Variants in WDR72 observed in about 807,000 individuals in gnomAD.
The protein encoded by WDR72 is WD repeat domain 72.
In WDR72, 120 loss-of-function variants were observed where a neutral mutation model predicts 124.2. That is an observed-to-expected ratio of 0.97 (90% confidence interval 0.83 to 1.12). The LOEUF is 1.12. WDR72 is among the 50% of genes most tolerant of loss of function. The pLI is 0.00. For missense variants in WDR72, 1,387 were observed against 1,278.8 expected (o/e 1.08, Z -1.29); for synonymous variants, 452 against 441.7 (o/e 1.02, Z -0.29).
Position 53,616,250 on chromosome 15 carries a change from G to A in WDR72, c.1963-7C>T, listed in dbSNP as rs2013762859. ...AAAATTTGGCATCAGTAACCTAAGG[G>A]AACAAAAAATATTTGTGTCAAAGTT... On this transcript the variant is annotated splice_region_variant and splice_polypyrimidine_tract_variant and intron_variant, in intron 14 of 19. Coordinates refer to ENST00000360509, the MANE Select transcript of WDR72 (RefSeq NM_182758.4). 1.9e-6 allele frequency: 3 copies of A among 1,593,492 alleles called. No homozygotes were observed. Among genetic ancestry groups the A allele is most frequent in the African/African-American group, 1.3e-5 (1 of 74,730 alleles).
intron 9 of WDR72, among the ~76,000 whole-genome samples, chr15:53,707,992 C>A (rs895915337): frequency 6.6e-6 from 1 of 152,184 alleles, no homozygotes; most frequent in African/African-American, 2.4e-5. Flanking sequence ...TTGCCTCTGG[C>A]AGCTGAAGTT....
chr15:53,621,765 C>T (rs2014003974), intron 14 of WDR72, among the ~76,000 whole-genome samples: 1 of 151,844 alleles, frequency 6.6e-6, no homozygotes, highest in South Asian at 2.1e-4. Flanking sequence ...CATCAAACAC[C>T]ACCTGTTCCC....
At chr15:53,674,861 G>C (rs2016111936) in intron 13 of WDR72, among the ~76,000 whole-genome samples, 1 of 151,954 alleles carries the variant, frequency 6.6e-6, no homozygotes, top group African/African-American at 2.4e-5. Context: ...TATCAGCTGG[G>C]CCACATTCAA....
chr15:53,647,056 A>G (rs575962758), intron 14 of WDR72, among the ~76,000 whole-genome samples: 16 of 152,244 alleles, frequency 1.1e-4, no homozygotes, highest in African/African-American at 3.9e-4. Context: ...AAAGCTTAGT[A>G]AGTCTGACCA....
intron 14 of WDR72, among the ~76,000 whole-genome samples, chr15:53,659,760 A>G (rs2015548139): frequency 6.6e-6 from 1 of 152,140 alleles, no homozygotes; most frequent in Non-Finnish European, 1.5e-5. Context: ...ATTACATAAA[A>G]TTATCTATAA....
At chr15:53,553,737 T>C (rs1057196068) in intron 18 of WDR72, among the ~76,000 whole-genome samples, 1 of 152,186 alleles carries the variant, frequency 6.6e-6, no homozygotes, top group Non-Finnish European at 1.5e-5. Flanking sequence ...AAATAGTCCT[T>C]GTATTTAGAT....
intron 14 of WDR72, among the ~76,000 whole-genome samples, chr15:53,650,457 C>T (rs1392497152): frequency 6.6e-6 from 1 of 152,132 alleles, no homozygotes; most frequent in Admixed American, 6.6e-5. Context: ...AAGTTGAAGT[C>T]CAGGTTCAAA....
intron 19 of WDR72, among the ~76,000 whole-genome samples, chr15:53,522,091 G>A (rs1443625353): frequency 2.6e-5 from 4 of 152,042 alleles, no homozygotes; most frequent in Non-Finnish European, 5.9e-5. Flanking sequence ...AGGAATCTTG[G>A]TGGAGTGAAG....
Position 53,702,252 on chromosome 15 carries a change from G to T in WDR72, c.1451C>A (p.Ser484Tyr). Residue 484 changes from serine (S) to tyrosine (Y), a missense_variant, in exon 12 of 20, where the codon TCT becomes TAT. Physicochemically the swap from Ser to Tyr is moderately radical, Grantham distance 144 (BLOSUM62 -2). Transcript: ENST00000360509. The stretch of plus-strand genomic sequence containing the variant: ...GATCACACATGAGTCCAGGTCCCCA[G>T]ACAACATCCAACTTTGGTCTAATTT... ...SSKLDQSWML[S>Y]GDLDSCVILW... 6.2e-7 allele frequency: 1 copy of T among 1,614,098 alleles called. No individual in the cohort carries two copies. The highest frequency in any genetic ancestry group is 8.5e-7 in the Non-Finnish European group (1 of 1,180,010).
chr15:53,693,763 C>A (rs908411060), intron 13 of WDR72, among the ~76,000 whole-genome samples: 1 of 152,196 alleles, frequency 6.6e-6, no homozygotes, highest in African/African-American at 2.4e-5. Context: ...GAAAATAACT[C>A]TGAAACGTAT....
At chr15:53,732,858 GAAGT>G in intron 2 of WDR72, 135 bp downstream of exon 2, 1 of 1,017,072 alleles carries the variant, frequency 9.8e-7, no homozygotes, top group Non-Finnish European at 1.5e-6. Context: ...TCAAAATTCA[GAAGT>G]AAAATCAATT....
intron 14 of WDR72, among the ~76,000 whole-genome samples, chr15:53,640,952 C>T (rs2014825144): frequency 6.6e-6 from 1 of 151,600 alleles, no homozygotes; most frequent in African/African-American, 2.4e-5. Context: ...TTTAAGTTGA[C>T]TTGTAAGTTT....
chr15:53,757,022 GC>G lies in WDR72; in HGVS notation c.-13+2610del, dbSNP rs199923435. On this transcript the variant is annotated intron_variant, in intron 1 of 19. Transcript: ENST00000360509. ...GCATTTTTTAGAAAAGTTCAAAGGGGCCCAAATGTCTTTTCAGACCAAAGAT... is the reference window on the plus strand; with the variant it reads ...GCATTTTTTAGAAAAGTTCAAAGGGGCCAAATGTCTTTTCAGACCAAAGAT... Among the ~76,000 whole-genome samples the G allele has an allele frequency of 8.2e-3, 1,252 of 152,260 alleles. 15 individuals are homozygous for G. The highest frequency in any genetic ancestry group is 0.028 in the African/African-American group (1,178 of 41,530).
At position 53,515,715 on chromosome 15, in the gene WDR72, G is replaced by T. The variant is rs1299029096; in HGVS notation, c.*1984C>A. The T allele has an allele frequency of 6.6e-6, 1 of 152,038 alleles. No individual in the cohort carries two copies. The highest frequency in any genetic ancestry group is 1.5e-5 in the Non-Finnish European group (1 of 68,014). The allele number at this position is 152,038 out of a possible 1,614,324, so 9.4% of individuals were successfully genotyped here. On this transcript the variant is annotated 3_prime_UTR_variant, in exon 20 of 20. Coordinates refer to ENST00000360509, the MANE Select transcript of WDR72 (RefSeq NM_182758.4). ...GTTGTGCCAGTTCTAATTTCCCATA[G>T]CTAGTAACATCAGAAAATATTTATC...
In WDR72 at chr15:53,748,360, T is replaced by C. The variant is rs567501341; in HGVS notation, c.-13+11273A>G. 4.7e-4 allele frequency among the ~76,000 whole-genome samples: 72 copies of C among 152,298 alleles called. No homozygotes were observed. In the South Asian group the frequency reaches 0.015, roughly 31 times the overall value. Reference sequence around the variant, plus strand: ...GCCTTAAGTATTAATTAAACTTAGGTAAGAAGAAATTAAGCTACATAAGTA... The same window carrying C: ...GCCTTAAGTATTAATTAAACTTAGGCAAGAAGAAATTAAGCTACATAAGTA... On this transcript the variant is annotated intron_variant, in intron 1 of 19. Transcript: ENST00000360509.
At chr15:53,530,975 T>C (rs12443219) in intron 18 of WDR72, among the ~76,000 whole-genome samples, 51,291 of 151,966 alleles carry the variant, frequency 0.34, 9,345 homozygotes, top group East Asian at 0.66. Context: ...CAGCCATCTC[T>C]ATCTCAAGGG....
rs761270082 is a variant in WDR72 at position 53,711,383 on chromosome 15, G to A, written c.810C>T (p.Leu270=). ...AACTGTGACCATCTTCTGTCCAGAT[G>A]AGGATTCTGTGAGCAGCAATCACTT... ...GGEVIAAHRI[L]IWTEDGHSYI... Residue 270 remains leucine (L), a synonymous_variant, in exon 8 of 20, where the codon CTC becomes CTT. Transcript: ENST00000360509. The A allele has an allele frequency of 2.5e-6, 4 of 1,614,154 alleles. No homozygotes were observed. In the East Asian group the frequency reaches 6.7e-5, roughly 27 times the overall value.
intron 18 of WDR72, among the ~76,000 whole-genome samples, chr15:53,593,182 T>A (rs2012593015): frequency 6.6e-6 from 1 of 152,106 alleles, no homozygotes; most frequent in Non-Finnish European, 1.5e-5. Flanking sequence ...ATGGCAATAA[T>A]TAAATATTCT....
chr15:53,519,898 A>T (rs952423299), intron 19 of WDR72, among the ~76,000 whole-genome samples: 5 of 152,104 alleles, frequency 3.3e-5, no homozygotes, highest in African/African-American at 1.2e-4. Flanking sequence ...TGATGCCAAT[A>T]TAAAAATAAA....
Sources: gnomAD v4.1 joint callset for allele counts (sites outside exome capture counted in the v4.1 genomes callset) on GRCh38, gnomAD v4.1.1 for gene constraint, MANE v1.5 for transcripts, NCBI Gene and HGNC (gene_info 2026-07-23, HGNC 2026-07-21) for gene names.